ENGASE: variants seen among roughly 807,000 people sequenced by gnomAD.
ENGASE encodes cytosolic endo-beta-N-acetylglucosaminidase.
In ENGASE, 69 loss-of-function variants were observed where a neutral mutation model predicts 78.5. The ratio of observed to expected loss-of-function variants is 0.88; its 90% CI spans 0.72 to 1.07. ENGASE has a LOEUF of 1.07. Ranked by LOEUF, ENGASE falls within the 50% of genes least tolerant of loss-of-function variation. ENGASE has a pLI of 0.00. For synonymous variants in ENGASE, 408 were observed against 408.9 expected, an observed-to-expected ratio of 1.00 and a Z score of 0.03; for missense variants, 943 against 988.4, an observed-to-expected ratio of 0.95 and a Z score of 0.62.
Position 79,083,658 on chromosome 17 carries a change from A to G in ENGASE, c.1251+68A>G. ...CTGGGACAGGTGGGAGGAGCCTGGG[A>G]CTTGCCAGCAGGCACGGTGGTGGTC... On this transcript the variant is annotated intron_variant, in intron 9 of 13. Transcript: ENST00000579016. This position sits in a 1 kb window ranked among gnomAD's most constrained non-coding sequence, Gnocchi z 4.9. 6.4e-7 allele frequency: 1 copy of G among 1,573,088 alleles called. No individual in the cohort carries two copies. The highest frequency in any genetic ancestry group is 8.7e-7 in the Non-Finnish European group (1 of 1,147,046).
intron 7 of ENGASE, 155 bp from the exon 8 acceptor site, chr17:79,082,865 C>T (rs1405630560): frequency 6.4e-7 from 1 of 1,566,422 alleles, no homozygotes; most frequent in African/African-American, 1.4e-5. Flanking sequence ...GGGTGATGCC[C>T]AGCAGCCTCC....
Position 79,086,120 on chromosome 17 carries a change from G to A in ENGASE, c.2003G>A (p.Gly668Glu). The A allele has an allele frequency of 6.2e-7, 1 of 1,613,714 alleles. No homozygotes were observed. The highest frequency in any genetic ancestry group is 8.5e-7 in the Non-Finnish European group (1 of 1,180,004). The part of the protein sequence containing the change: ...VRCFRIHCWG[G>E]MSDDSPGREL... The stretch of plus-strand genomic sequence containing the variant: ...TGCTTCCGAATCCACTGCTGGGGAG[G>A]GATGAGTGATGACTCTCCGGGCAGG... The change falls in exon 14 of 14, where the codon GGG becomes GAG. Residue 668 changes from glycine (G) to glutamate (E), a missense_variant. By Grantham distance (98) the Gly-to-Glu change is moderately conservative (BLOSUM62 -2). Coordinates refer to ENST00000579016, the MANE Select transcript of ENGASE (RefSeq NM_001042573.3).
chr17:79,084,586 G>A lies in ENGASE; in HGVS notation c.1491G>A (p.Met497Ile). 7 of 1,605,538 alleles carry A rather than the reference G, an allele frequency of 4.4e-6. No individual in the cohort carries two copies. Among genetic ancestry groups the A allele is most frequent in the African/African-American group, 1.3e-5 (1 of 74,394 alleles). ...TGCCACCCAAGATTTACCTGTCCATGGTGTATAAGCTTGAGGGGCCCACGG... is the reference window on the plus strand; with the variant it reads ...TGCCACCCAAGATTTACCTGTCCATAGTGTATAAGCTTGAGGGGCCCACGG... ...APVPPKIYLS[M>I]VYKLEGPTDV... The change falls in exon 11 of 14, where the codon ATG (methionine) becomes ATA (isoleucine). Residue 497 changes from methionine (M) to isoleucine (I), a missense_variant. Transcript: ENST00000579016.
At chr17:79,082,090 C>T (rs764989886) in intron 7 of ENGASE, 27 bp downstream of exon 7, 4 of 1,614,124 alleles carry the variant, frequency 2.5e-6, no homozygotes, top group Non-Finnish European at 3.4e-6. Context: ...GTCCAAGGGC[C>T]AGCGGCCCAG....
At chr17:79,080,445 C>T (rs372091721) in intron 5 of ENGASE, 81 bp downstream of exon 5, 44 of 1,528,328 alleles carry the variant, frequency 2.9e-5, no homozygotes, top group Non-Finnish European at 3.6e-5. Context: ...CTTGGCCTCA[C>T]CTCGCCCCAC....
chr17:79,084,256 C>A, intron 10 of ENGASE: 1 of 509,280 alleles, frequency 2.0e-6, no homozygotes, highest in Non-Finnish European at 3.4e-6. Flanking sequence ...CCCAGCCCCC[C>A]AAAGCCACCC....
At chr17:79,080,795 C>A in intron 5 of ENGASE, 130 bp from the exon 6 acceptor site, 1 of 1,245,214 alleles carries the variant, frequency 8.0e-7, no homozygotes, top group Non-Finnish European at 1.1e-6. Context: ...GCGGGGAGGG[C>A]CTTTCAGAAC....
Position 79,085,357 on chromosome 17 carries a change from T to C in ENGASE, c.1700+15T>C. 6.3e-7 allele frequency: 1 copy of C among 1,581,732 alleles called. No homozygotes were observed. Among genetic ancestry groups the C allele is most frequent in the Non-Finnish European group, 8.6e-7 (1 of 1,158,368 alleles). ...TGGGTCCAGCAGTAAGTCCCTCTGC[T>C]TCTTCACGTCCTTCTCCCTCACTCA... On this transcript the variant is annotated intron_variant, in intron 12 of 13. Coordinates refer to ENST00000579016, the MANE Select transcript of ENGASE (RefSeq NM_001042573.3).
chr17:79,083,579 T>G lies in ENGASE; in HGVS notation c.1240T>G (p.Cys414Gly). 6.2e-7 allele frequency: 1 copy of G among 1,613,920 alleles called. No individual in the cohort carries two copies. The highest frequency in any genetic ancestry group is 8.5e-7 in the Non-Finnish European group (1 of 1,179,796). Residue 414 changes from cysteine to glycine, a missense_variant, in exon 9 of 14, where the codon TGC (cysteine) becomes GGC (glycine). Cys to Gly is a radical substitution (Grantham distance 159). Coordinates refer to ENST00000579016, the MANE Select transcript of ENGASE (RefSeq NM_001042573.3). The surrounding 1 kb of genome is among the most constrained non-coding windows in gnomAD (Gnocchi z 4.9). ...CCTGGGCATGGGTGCACGGAGGGTC[T>G]GCTATGGCCAGGTGGGTGGGTGTCT... Reference protein sequence around the residue: ...FCLGMGARRVCYGQEEAVGPW... With the variant: ...FCLGMGARRVGYGQEEAVGPW...
At chr17:79,078,461 A>G (rs2377298) in intron 3 of ENGASE, among the ~76,000 whole-genome samples, 53,113 of 151,914 alleles carry the variant, frequency 0.35, 9,369 homozygotes, top group Admixed American at 0.4. Flanking sequence ...GATTGGAGGG[A>G]GCACAGCAGG....
intron 11 of ENGASE, 94 bp from the exon 12 acceptor site, chr17:79,085,140 C>T (rs4789984): frequency 0.32 from 304,291 of 953,832 alleles, 49,907 homozygotes; most frequent in African/African-American, 0.42. Context: ...AATCAGGCAG[C>T]CTTCTCTGGA....
At position 79,087,598 on chromosome 17, in the gene ENGASE, C is replaced by T. The variant is rs34177436; in HGVS notation, c.*1249C>T. 5,169 of 148,088 alleles carry T rather than the reference C, an allele frequency of 0.035. 111 individuals are homozygous for T. Among genetic ancestry groups the T allele is most frequent in the Middle Eastern group, 0.056 (16 of 288 alleles). The allele number at this position is 148,088 out of a possible 1,614,324, so 9.2% of individuals were successfully genotyped here. The stretch of plus-strand genomic sequence containing the variant: ...ACGGTGTCAGTGGCCTGAAGTCCCT[C>T]GCTTTTGGGGGGGGGGTCTCTCACC... On this transcript the variant is annotated 3_prime_UTR_variant, in exon 14 of 14. Transcript: ENST00000579016.
In ENGASE at chr17:79,086,201, A is replaced by G. The variant is rs2073302605; in HGVS notation, c.2084A>G (p.Tyr695Cys). The G allele has an allele frequency of 1.2e-6, 2 of 1,613,416 alleles. No individual in the cohort carries two copies. Among genetic ancestry groups the G allele is most frequent in the African/African-American group, 2.7e-5 (2 of 74,916 alleles). The part of the protein sequence containing the change: ...MFLGLAFATQ[Y>C]RIVDLLVEAA... ...CTGGGGTTGGCTTTTGCCACCCAGT[A>G]CCGGATAGTGGACCTGCTGGTGGAA... The change falls in exon 14 of 14, where the codon TAC becomes TGC. Residue 695 changes from tyrosine to cysteine, a missense_variant. Physicochemically the swap from Tyr to Cys is radical, Grantham distance 194 (BLOSUM62 -2). Coordinates refer to ENST00000579016, the MANE Select transcript of ENGASE (RefSeq NM_001042573.3).
chr17:79,086,162 AG>A lies in ENGASE; in HGVS notation c.2046del (p.Met683CysfsTer15), dbSNP rs2073301137. ...DSPGRELPRP[E>X]MPMFLGLAFA... is the part of the protein sequence containing the mutation. Reference sequence around the variant, plus strand: ...CCGGGCAGGGAGCTGCCGAGGCCAGAGATGCCCATGTTCCTGGGGTTGGCTT... The same window carrying A: ...CCGGGCAGGGAGCTGCCGAGGCCAGAATGCCCATGTTCCTGGGGTTGGCTT... On this transcript the variant is annotated frameshift_variant, in exon 14 of 14. Coordinates refer to ENST00000579016, the MANE Select transcript of ENGASE (RefSeq NM_001042573.3). LOFTEE classifies it low-confidence loss of function (END_TRUNC). The A allele has an allele frequency of 5.6e-6, 9 of 1,613,778 alleles. No individual in the cohort carries two copies. The highest frequency in any genetic ancestry group is 7.6e-6 in the Non-Finnish European group (9 of 1,180,018).
In ENGASE at chr17:79,082,820, C is replaced by T. The variant is rs1482005859; in HGVS notation, c.1039-200C>T. 4.0e-6 allele frequency: 6 copies of T among 1,513,808 alleles called. No individual in the cohort carries two copies. The African/African-American group carries it at 6.9e-5, about 17-fold the overall frequency. The allele number at this position is 1,513,808 out of a possible 1,614,324, so 93.8% of individuals were successfully genotyped here. A position where few individuals can be genotyped will look rare whatever the true frequency, so the allele number is the denominator to read the frequency against. ...CTTGCAGCAGCGCTGACCGCCTCTC[C>T]CGCGCCCTCTTCTGGCGGGCTTGTG... On this transcript the variant is annotated intron_variant, in intron 7 of 13. Coordinates refer to ENST00000579016, the MANE Select transcript of ENGASE (RefSeq NM_001042573.3).
intron 5 of ENGASE, 27 bp downstream of exon 5, chr17:79,080,391 C>A: frequency 6.2e-7 from 1 of 1,607,872 alleles, no homozygotes. Context: ...CACCCACCTC[C>A]CCGCCCCTTG....
intron 3 of ENGASE, among the ~76,000 whole-genome samples, chr17:79,078,257 T>G (rs2145975201): frequency 6.6e-6 from 1 of 152,202 alleles, no homozygotes; most frequent in Admixed American, 6.5e-5. Flanking sequence ...GGAGAATCGC[T>G]TGAACCAGGG....
intron 5 of ENGASE, 49 bp from the exon 6 acceptor site, chr17:79,080,872 TGATA>T: frequency 6.4e-7 from 1 of 1,569,932 alleles, no homozygotes; most frequent in Non-Finnish European, 8.7e-7. Context: ...ATACTTCTCA[TGATA>T]GATAGATCTG....
intron 1 of ENGASE, 91 bp downstream of exon 1, chr17:79,075,181 GGGGC>G: frequency 6.0e-6 from 7 of 1,172,634 alleles, no homozygotes; most frequent in Non-Finnish European, 5.3e-6. Context: ...GGCGCGCCGA[GGGGC>G]GGGGGGCCGG....
Sources: allele counts gnomAD v4.1 joint callset (sites outside exome capture counted in the v4.1 genomes callset), GRCh38; gene constraint gnomAD v4.1.1; non-coding constraint Gnocchi (gnomAD v3.1); transcripts MANE v1.5; gene names NCBI Gene and HGNC (gene_info 2026-07-23, HGNC 2026-07-21).